The following FRMPD3 variants were observed in gnomAD, a reference collection of about 807,000 sequenced individuals.
FRMPD3 encodes FERM and PDZ domain-containing protein 3.
Under a neutral mutation model 97.9 loss-of-function variants are expected in FRMPD3, and 42 were observed. That is an observed-to-expected ratio of 0.43 (90% CI 0.34 to 0.55). The LOEUF (loss-of-function observed/expected upper bound fraction) is 0.55, where lower values mean the gene tolerates loss of function less well. Among genes scored for constraint, FRMPD3 ranks in the 20% least tolerant of loss-of-function variants. The pLI is 0.03. For missense variants in FRMPD3, 1,303 were observed against 1,457.7 expected, an observed-to-expected ratio of 0.89 and a Z score of 1.73; for synonymous variants, 577 against 581.1, an observed-to-expected ratio of 0.99 and a Z score of 0.10.
chrX:107,520,397 T>C (rs1209525037), intron 1 of FRMPD3, among the ~76,000 whole-genome samples: 1 of 108,896 alleles, frequency 9.2e-6, no homozygotes, highest in Non-Finnish European at 1.9e-5. Context: ...CCCAGCACTT[T>C]GGGAGGCTGA....
chrX:107,476,040 G>C (rs1385224584), intron 1 of FRMPD3, among the ~76,000 whole-genome samples: 4 of 111,431 alleles, frequency 3.6e-5, no homozygotes, highest in Non-Finnish European at 7.5e-5. Flanking sequence ...CCTGCCACCA[G>C]GCCTGGCTAA....
At chrX:107,477,399 G>T (rs755586896) in intron 1 of FRMPD3, among the ~76,000 whole-genome samples, 1 of 112,204 alleles carries the variant, frequency 8.9e-6, no homozygotes, top group Non-Finnish European at 1.9e-5. Flanking sequence ...TGGGGGAGAG[G>T]CCAGGCAACT....
chrX:107,473,934 A>G (rs1260355241), intron 1 of FRMPD3, among the ~76,000 whole-genome samples: 1 of 111,631 alleles, frequency 9.0e-6, no homozygotes, highest in Non-Finnish European at 1.9e-5. Flanking sequence ...AAATACAAAA[A>G]ATTAGCTGGG....
At chrX:107,490,742 CGTT>C (rs1569411743) in intron 1 of FRMPD3, among the ~76,000 whole-genome samples, 2 of 111,798 alleles carry the variant, frequency 1.8e-5, no homozygotes, top group Admixed American at 9.5e-5. Context: ...GGCCTGAATA[CGTT>C]ATTTCCCTGT....
intron 14 of FRMPD3, among the ~76,000 whole-genome samples, chrX:107,598,990 G>T (rs1033383638): frequency 8.9e-6 from 1 of 111,818 alleles, no homozygotes; most frequent in Non-Finnish European, 1.9e-5. Context: ...AAAGAGAAGA[G>T]AGCTGGGCGT....
chrX:107,534,745 C>T (rs772036455), intron 4 of FRMPD3, among the ~76,000 whole-genome samples: 51 of 111,695 alleles, frequency 4.6e-4, no homozygotes, highest in Admixed American at 7.6e-4. Flanking sequence ...CATTCACAAC[C>T]TCATGCATAA....
At chrX:107,469,069 A>G (rs1383579851) in intron 1 of FRMPD3, among the ~76,000 whole-genome samples, 1 of 111,899 alleles carries the variant, frequency 8.9e-6, no homozygotes, top group African/African-American at 3.3e-5. Context: ...AGAGAAAGAT[A>G]TGTAGAGTGG....
In FRMPD3 at chrX:107,601,545, G is replaced by A. The variant is rs1924509462; in HGVS notation, c.3506G>A (p.Gly1169Asp). The A allele has an allele frequency of 8.4e-7, 1 of 1,185,068 alleles. No homozygotes were observed. Among genetic ancestry groups the A allele is most frequent in the African/African-American group, 1.8e-5 (1 of 56,318 alleles). The change falls in exon 15 of 15, where the codon GGC becomes GAC. Residue 1169 changes from glycine to aspartate, a missense_variant. Physicochemically the swap from Gly to Asp is moderately conservative, Grantham distance 94 (BLOSUM62 -1). This residue lies in a region of FRMPD3 where 764 missense variants were observed against 820.2 expected (regional missense o/e 0.93). Coordinates refer to ENST00000683843, the MANE Select transcript of FRMPD3 (RefSeq NM_001388459.1). ...RGQSPSCQPR[G>D]QSPLRSQAAS... ...CAGAGCCCCAGCTGCCAACCTCGAG[G>A]CCAGAGCCCACTGAGGTCTCAGGCT... is the stretch of plus-strand genomic sequence containing the variant.
At position 107,603,207 on chromosome X, in the gene FRMPD3, A is replaced by G. The variant is rs780837013; in HGVS notation, c.5168A>G (p.Gln1723Arg). ...RNLNQQQQQQQQQQQQQQQQQ... is the reference protein window; with the variant it reads ...RNLNQQQQQQRQQQQQQQQQQ... ...CTTAACCAGCAGCAGCAGCAACAACAACAGCAGCAGCAGCAACAACAACAG... is the reference window on the plus strand; with the variant it reads ...CTTAACCAGCAGCAGCAGCAACAACGACAGCAGCAGCAGCAACAACAACAG... Residue 1723 changes from glutamine to arginine, a missense_variant, in exon 15 of 15, where the codon CAA becomes CGA. Physicochemically the swap from Gln to Arg is conservative, Grantham distance 43. Coordinates refer to ENST00000683843, the MANE Select transcript of FRMPD3 (RefSeq NM_001388459.1). The G allele has an allele frequency of 2.6e-6, 3 of 1,175,697 alleles. No individual in the cohort carries two copies. Among genetic ancestry groups the G allele is most frequent in the South Asian group, 3.8e-5 (2 of 53,332 alleles).
intron 4 of FRMPD3, among the ~76,000 whole-genome samples, chrX:107,543,220 A>T (rs1365258559): frequency 9.0e-6 from 1 of 110,714 alleles, no homozygotes; most frequent in Non-Finnish European, 1.9e-5. Flanking sequence ...TGTTCAATCA[A>T]ATCCCTCTAG....
In FRMPD3 at chrX:107,600,317, G is replaced by A. The variant is rs757226465; in HGVS notation, c.2278G>A (p.Ala760Thr). The A allele has an allele frequency of 2.5e-6, 3 of 1,203,871 alleles. No individual in the cohort carries two copies. The highest frequency in any genetic ancestry group is 3.4e-6 in the Non-Finnish European group (3 of 890,675). Residue 760 changes from alanine (A) to threonine (T), a missense_variant, in exon 15 of 15, where the codon GCC (alanine) becomes ACC (threonine). Physicochemically the swap from Ala to Thr is moderately conservative, Grantham distance 58. This residue lies in a region of FRMPD3 where 535 missense variants were observed against 618.6 expected (regional missense o/e 0.86). Transcript: ENST00000683843. ...PPQTAGLIVLATITPESSLDS... is the reference protein window; with the variant it reads ...PPQTAGLIVLTTITPESSLDS... ...TGTTCCTCCAGGTCTGATTGTGCTG[G>A]CCACAATCACTCCTGAATCATCGCT...
At chrX:107,594,967 T>C (rs1169262070) in intron 13 of FRMPD3, among the ~76,000 whole-genome samples, 1 of 112,326 alleles carries the variant, frequency 8.9e-6, no homozygotes, top group Non-Finnish European at 1.9e-5. Context: ...TTTTTATTCA[T>C]CTCAAAGTAT....
intron 1 of FRMPD3, among the ~76,000 whole-genome samples, chrX:107,480,581 G>T (rs1222885194): frequency 9.1e-6 from 1 of 109,687 alleles, no homozygotes; most frequent in African/African-American, 3.3e-5. Context: ...TATAATCCTA[G>T]AACTTTGGGA....
intron 5 of FRMPD3, 68 bp downstream of exon 5, chrX:107,545,909 T>C: frequency 9.4e-6 from 8 of 847,799 alleles, no homozygotes; most frequent in Non-Finnish European, 1.4e-5. Context: ...AAGCTCTCGC[T>C]CTGGGGCTTC....
intron 1 of FRMPD3, among the ~76,000 whole-genome samples, chrX:107,456,698 G>A (rs1187230982): frequency 8.9e-6 from 1 of 111,959 alleles, no homozygotes; most frequent in African/African-American, 3.2e-5. Flanking sequence ...GTGACATTTG[G>A]TTGTTATGTC....
intron 12 of FRMPD3, among the ~76,000 whole-genome samples, chrX:107,568,383 C>A (rs914350954): frequency 4.6e-5 from 3 of 65,735 alleles, no homozygotes; most frequent in Admixed American, 2.1e-4. Flanking sequence ...CCCCTCCCCC[C>A]ACCCCACAAC....
intron 2 of FRMPD3, among the ~76,000 whole-genome samples, chrX:107,527,949 C>T (rs1368958830): frequency 9.0e-6 from 1 of 111,316 alleles, no homozygotes; most frequent in African/African-American, 3.3e-5. Context: ...GATCAGAAAT[C>T]AGAGGAAAGG....
intron 1 of FRMPD3, among the ~76,000 whole-genome samples, chrX:107,458,732 C>G (rs1207619131): frequency 9.0e-6 from 1 of 111,274 alleles, no homozygotes; most frequent in Non-Finnish European, 1.9e-5. Context: ...GGCTGTCGGA[C>G]AATTATGCAT....
intron 1 of FRMPD3, among the ~76,000 whole-genome samples, chrX:107,456,057 C>CTAT (rs746552425): frequency 2.9e-4 from 32 of 109,563 alleles, no homozygotes; most frequent in South Asian, 8.1e-4. Context: ...TAGTGGATGA[C>CTAT]TATTATTATT....
Sources: allele counts gnomAD v4.1 joint callset (sites outside exome capture counted in the v4.1 genomes callset), GRCh38; gene constraint gnomAD v4.1.1; regional missense constraint gnomAD v4.1.1; transcripts MANE v1.5; gene names NCBI Gene and HGNC (gene_info 2026-07-23, HGNC 2026-07-21).